The following SLC12A6 variants were observed in gnomAD, a reference collection of about 807,000 sequenced individuals.
SLC12A6 encodes the protein solute carrier family 12 member 6.
A neutral mutation model predicts 135.3 loss-of-function variants in SLC12A6; 66 were observed. The observed-to-expected ratio is 0.49, with a 90% CI of 0.40 to 0.60. The LOEUF (loss-of-function observed/expected upper bound fraction) is 0.60. SLC12A6 is among the 20% of genes least tolerant of loss of function. SLC12A6 has a pLI of 0.00. For synonymous variants in SLC12A6, 513 were observed against 508.8 expected (o/e 1.01, Z -0.11); for missense variants, 1,058 against 1,452.3 (o/e 0.73, Z 4.41).
intron 10 of SLC12A6, among the ~76,000 whole-genome samples, 185 bp from the exon 11 acceptor site, chr15:34,251,242 T>G (rs932088922): frequency 2.7e-5 from 4 of 148,190 alleles, no homozygotes; most frequent in African/African-American, 1.0e-4. Context: ...AAAAACATAG[T>G]TTTTTTTTTG....
intron 6 of SLC12A6, 60 bp from the exon 7 acceptor site, chr15:34,256,343 T>C (rs369132825): frequency 8.3e-5 from 98 of 1,174,464 alleles, no homozygotes; most frequent in African/African-American, 1.4e-4. Context: ...TCTATACTAC[T>C]TCTCCATTTG....
At chr15:34,329,008 A>T (rs987881813) in intron 2 of SLC12A6, among the ~76,000 whole-genome samples, 2 of 152,248 alleles carry the variant, frequency 1.3e-5, no homozygotes, top group Non-Finnish European at 2.9e-5. Context: ...TCATTAAAAG[A>T]ATACATTGTT....
At chr15:34,336,360 G>A (rs1890192903) in intron 2 of SLC12A6, 50 bp downstream of exon 2, 1 of 1,441,870 alleles carries the variant, frequency 6.9e-7, no homozygotes, top group African/African-American at 1.4e-5. Context: ...GGTCATCTTG[G>A]ATAAAGAACC....
At chr15:34,305,915 G>A (rs557839987) in intron 2 of SLC12A6, among the ~76,000 whole-genome samples, 335 of 152,026 alleles carry the variant, frequency 2.2e-3, no homozygotes, top group African/African-American at 7.9e-3. Flanking sequence ...CCACCACCGC[G>A]CCCGGCTAAT....
At chr15:34,326,013 A>C (rs1889434709) in intron 2 of SLC12A6, among the ~76,000 whole-genome samples, 1 of 152,228 alleles carries the variant, frequency 6.6e-6, no homozygotes, top group Admixed American at 6.5e-5. Flanking sequence ...AGAGGAAAGA[A>C]TAGAGTAGGA....
intron 13 of SLC12A6, among the ~76,000 whole-genome samples, chr15:34,246,733 A>G (rs1595421692): frequency 6.6e-6 from 1 of 151,732 alleles, no homozygotes; most frequent in Admixed American, 6.6e-5. Flanking sequence ...TGCAGCCTTG[A>G]CCTCTCTGGC....
chr15:34,313,638 G>A lies in SLC12A6; in HGVS notation c.271+22772C>T, dbSNP rs541108023. Among the ~76,000 whole-genome samples the A allele has an allele frequency of 3.3e-5, 5 of 152,206 alleles. No individual in the cohort carries two copies. The South Asian group carries it at 1.0e-3, about 31-fold the overall frequency. On this transcript the variant is annotated intron_variant, in intron 2 of 25. Transcript: ENST00000354181. ...TAAACAACACACTTTCACTGGAGAG[G>A]AAGCAGTCTTATGTTGGAAGAAGAT...
At chr15:34,335,874 C>G (rs1254749155) in intron 2 of SLC12A6, among the ~76,000 whole-genome samples, 1 of 152,226 alleles carries the variant, frequency 6.6e-6, no homozygotes, top group Non-Finnish European at 1.5e-5. Flanking sequence ...CCCACCATCA[C>G]CCTGAGTGGG....
At chr15:34,333,081 G>A (rs1196806491) in intron 2 of SLC12A6, among the ~76,000 whole-genome samples, 3 of 151,968 alleles carry the variant, frequency 2.0e-5, no homozygotes, top group Non-Finnish European at 4.4e-5. Context: ...AATGTGGTTT[G>A]ATCAGAATAA....
intron 9 of SLC12A6, among the ~76,000 whole-genome samples, chr15:34,252,723 T>A (rs1892478982): frequency 6.6e-6 from 1 of 152,200 alleles, no homozygotes; most frequent in South Asian, 2.1e-4. Context: ...GTGAAGGAAG[T>A]CAAATTGAAG....
chr15:34,322,173 G>A (rs761628288), intron 2 of SLC12A6, among the ~76,000 whole-genome samples: 4 of 152,056 alleles, frequency 2.6e-5, no homozygotes, highest in Non-Finnish European at 5.9e-5. Flanking sequence ...ATCACCCGAG[G>A]TCAGTTCGAG....
chr15:34,233,837 AG>A lies in SLC12A6; in HGVS notation c.*43del, dbSNP rs1891078432. ...GAGCTGGCACTTCCATGGAGGACGT[AG>A]GCCTTTTAAGAAAACAGGTCAAGCA... is the stretch of plus-strand genomic sequence containing the variant. On this transcript the variant is annotated 3_prime_UTR_variant, in exon 26 of 26. Coordinates refer to ENST00000354181, the MANE Select transcript of SLC12A6 (RefSeq NM_001365088.1). 1.0e-6 allele frequency: 1 copy of A among 1,001,478 alleles called. No individual in the cohort carries two copies. The highest frequency in any genetic ancestry group is 1.6e-6 in the Non-Finnish European group (1 of 620,426). 62.0% of individuals were successfully genotyped at this position (1,001,478 alleles called of 1,614,324 possible).
At chr15:34,237,878 TTTAA>T (rs1450609229) in intron 21 of SLC12A6, among the ~76,000 whole-genome samples, 1 of 152,198 alleles carries the variant, frequency 6.6e-6, no homozygotes, top group Non-Finnish European at 1.5e-5. Context: ...TTAAATCTCA[TTTAA>T]TTAGTCTTAC....
rs963391484 is a variant in SLC12A6, at chr15:34,239,298, G to C, written c.2437-138C>G. The C allele has an allele frequency of 3.2e-5, 23 of 719,706 alleles. No homozygotes were observed. In the African/African-American group the frequency reaches 3.4e-4, roughly 11 times the overall value. The allele number at this position is 719,706 out of a possible 1,614,324, so 44.6% of individuals were successfully genotyped here. ...TATCATCTACAGAAAAGTCCAAAAA[G>C]TTAAAATTATCCCAAAGGAATTTCA... On this transcript the variant is annotated intron_variant, in intron 19 of 25. Transcript: ENST00000354181.
chr15:34,284,368 G>GT (rs1224044655), intron 2 of SLC12A6, among the ~76,000 whole-genome samples: 1 of 147,166 alleles, frequency 6.8e-6, no homozygotes, highest in African/African-American at 2.6e-5. Context: ...TGCCTCCCAG[G>GT]TTCAAGCGAT....
Position 34,336,717 on chromosome 15 carries a change from C to G in SLC12A6, c.-37G>C. 1.3e-6 allele frequency: 2 copies of G among 1,581,452 alleles called. No individual in the cohort carries two copies. Among genetic ancestry groups the G allele is most frequent in the Non-Finnish European group, 1.7e-6 (2 of 1,150,276 alleles). On this transcript the variant is annotated 5_prime_UTR_variant, in exon 2 of 26. Coordinates refer to ENST00000354181, the MANE Select transcript of SLC12A6 (RefSeq NM_001365088.1). The stretch of plus-strand genomic sequence containing the variant: ...TAAGAACAAAAAAAGTGGGGGGAAC[C>G]TCGCAAAATCTTCCTCTTACGCTAG...
intron 9 of SLC12A6, among the ~76,000 whole-genome samples, chr15:34,254,062 TA>T (rs1186660876): frequency 6.6e-6 from 1 of 151,964 alleles, no homozygotes; most frequent in Non-Finnish European, 1.5e-5. Flanking sequence ...ATGTGTATAA[TA>T]AAAAAAGATT....
At chr15:34,295,691 A>C (rs2140989811) in intron 2 of SLC12A6, among the ~76,000 whole-genome samples, 1 of 152,300 alleles carries the variant, frequency 6.6e-6, no homozygotes, top group South Asian at 2.1e-4. Context: ...AGTGTGGACA[A>C]AATACACATT....
At position 34,235,431 on chromosome 15, in the gene SLC12A6, A is replaced by ATTTTTTTTTTT. The variant is rs371322623; in HGVS notation, c.3228-128_3228-118dup. ...TGACTATGGATAATCTGATAAAATG[A>ATTTTTTTTTTT]TTTTTTTTTTTTTTTTTTTTGAGAG... On this transcript the variant is annotated intron_variant, in intron 24 of 25. Coordinates refer to ENST00000354181, the MANE Select transcript of SLC12A6 (RefSeq NM_001365088.1). 1,280 of 502,412 alleles carry ATTTTTTTTTTT rather than the reference A, an allele frequency of 2.5e-3. 9 individuals carry two copies. The highest frequency in any genetic ancestry group is 3.7e-3 in the Middle Eastern group (6 of 1,614). 31.1% of individuals were successfully genotyped at this position (502,412 alleles called of 1,614,324 possible). A position where few individuals can be genotyped will look rare whatever the true frequency, so the allele number is the denominator to read the frequency against.
Sources: gnomAD v4.1 joint callset for allele counts (sites outside exome capture counted in the v4.1 genomes callset) on GRCh38, gnomAD v4.1.1 for gene constraint, MANE v1.5 for transcripts, NCBI Gene and HGNC (gene_info 2026-07-23, HGNC 2026-07-21) for gene names.